Variants in CCDC91 observed in about 807,000 individuals in gnomAD.
CCDC91 encodes coiled-coil domain containing 91.
Under a neutral mutation model 63.2 loss-of-function variants are expected in CCDC91, and 48 were observed. The ratio of observed to expected loss-of-function variants is 0.76; its 90% CI spans 0.60 to 0.97. The LOEUF (loss-of-function observed/expected upper bound fraction) is 0.97. Ranked by LOEUF, CCDC91 falls within the 50% of genes least tolerant of loss-of-function variation. CCDC91 has a pLI of 0.00. For synonymous variants in CCDC91, 167 were observed against 165.8 expected (o/e 1.01, Z -0.06); for missense variants, 500 against 494.6 (o/e 1.01, Z -0.10).
chr12:28,522,877 A>G (rs1362357296), intron 12 of CCDC91, among the ~76,000 whole-genome samples: 4 of 152,002 alleles, frequency 2.6e-5, no homozygotes, highest in African/African-American at 9.7e-5. Context: ...CATGTAGTTG[A>G]GTGGTTTTGA....
At chr12:28,404,641 T>C (rs1946824411) in intron 8 of CCDC91, among the ~76,000 whole-genome samples, 1 of 152,132 alleles carries the variant, frequency 6.6e-6, no homozygotes, top group Non-Finnish European at 1.5e-5. Flanking sequence ...CTTGCAGTTT[T>C]GTAAGTGTTT....
At chr12:28,430,894 T>A (rs1349722325) in intron 8 of CCDC91, among the ~76,000 whole-genome samples, 1 of 152,170 alleles carries the variant, frequency 6.6e-6, no homozygotes, top group Admixed American at 6.6e-5. Context: ...TGACTACTTG[T>A]CTTCGTATTA....
chr12:28,528,263 G>A (rs1452871262), intron 12 of CCDC91, among the ~76,000 whole-genome samples: 1 of 152,028 alleles, frequency 6.6e-6, no homozygotes, highest in African/African-American at 2.4e-5. Flanking sequence ...ACCCTAGCAA[G>A]CCCACAGGGG....
At position 28,330,442 on chromosome 12, in the gene CCDC91, C is replaced by T. The variant is rs541467787; in HGVS notation, c.576+22693C>T. Among the ~76,000 whole-genome samples, 78 of 151,220 alleles carry T rather than the reference C, an allele frequency of 5.2e-4. 1 individual carries two copies. The South Asian group carries it at 8.8e-3, about 17-fold the overall frequency. ...CTGAGAAGTGTCTGTTCATATCTGT[C>T]GCCCACTTTTTGATGGGGTTGTTTT... On this transcript the variant is annotated intron_variant, in intron 6 of 12. Transcript: ENST00000536442.
At chr12:28,218,625 A>C (rs368848071) in intron 1 of CCDC91, among the ~76,000 whole-genome samples, 20 of 152,168 alleles carry the variant, frequency 1.3e-4, no homozygotes, top group African/African-American at 4.3e-4. Flanking sequence ...GGTCCCTGGC[A>C]ACCACTGATT....
chr12:28,474,773 G>T (rs201059293), intron 11 of CCDC91, among the ~76,000 whole-genome samples: 1 of 146,108 alleles, frequency 6.8e-6, no homozygotes, highest in Non-Finnish European at 1.5e-5. Context: ...ACATGAAAAA[G>T]AAAAAAAAAA....
chr12:28,380,640 G>A (rs1356941430), intron 7 of CCDC91, among the ~76,000 whole-genome samples: 1 of 152,060 alleles, frequency 6.6e-6, no homozygotes, highest in Non-Finnish European at 1.5e-5. Context: ...TTCTGATGCA[G>A]TTGAAAGTTT....
intron 7 of CCDC91, among the ~76,000 whole-genome samples, chr12:28,364,491 A>AC (rs1306771757): frequency 5.9e-5 from 9 of 152,250 alleles, no homozygotes; most frequent in Non-Finnish European, 1.3e-4. Context: ...AACCAGTTTT[A>AC]CAGTTATTGA....
At chr12:28,361,171 T>A (rs1943853142) in intron 6 of CCDC91, among the ~76,000 whole-genome samples, 1 of 151,700 alleles carries the variant, frequency 6.6e-6, no homozygotes, top group South Asian at 2.1e-4. Flanking sequence ...TTTAAATTTT[T>A]AAATTTTTAT....
At chr12:28,218,418 A>G (rs531940393) in intron 1 of CCDC91, among the ~76,000 whole-genome samples, 2 of 152,134 alleles carry the variant, frequency 1.3e-5, no homozygotes, top group South Asian at 4.2e-4. Context: ...TTAGGTGTAT[A>G]AACAATTAAA....
At chr12:28,523,061 G>T (rs1592947989) in intron 12 of CCDC91, among the ~76,000 whole-genome samples, 1 of 152,164 alleles carries the variant, frequency 6.6e-6, no homozygotes, top group African/African-American at 2.4e-5. Flanking sequence ...TTGATTTGGG[G>T]TGGAGAGTTC....
At chr12:28,408,053 G>C (rs905490751) in intron 8 of CCDC91, among the ~76,000 whole-genome samples, 2 of 151,574 alleles carry the variant, frequency 1.3e-5, no homozygotes, top group African/African-American at 4.8e-5. Context: ...TGCCATGGTG[G>C]TTTGCTGTAC....
rs1555169638 is a variant in CCDC91, at chr12:28,264,585, C to CTGTATGTGTGTGTGTGTGTGTG, written c.109+5146_109+5147insATGTGTGTGTGTGTGTGTGTGT. On this transcript the variant is annotated intron_variant, in intron 3 of 12. Transcript: ENST00000536442. ...TAGGCACATATATATATATGTCTGTCTGTGTGTGTGTGTGTGTGTGTGTGT... is the reference window on the plus strand; with the variant it reads ...TAGGCACATATATATATATGTCTGTCTGTATGTGTGTGTGTGTGTGTGTGTGTGTGTGTGTGTGTGTGTGTGT... Among the ~76,000 whole-genome samples, 98 of 137,310 alleles carry CTGTATGTGTGTGTGTGTGTGTG rather than the reference C, an allele frequency of 7.1e-4. 1 individual carries two copies. The highest frequency in any genetic ancestry group is 1.5e-3 in the East Asian group (7 of 4,644). 90.1% of individuals were successfully genotyped at this position (137,310 alleles called of 152,430 possible). A position where few individuals can be genotyped will look rare whatever the true frequency, so the allele number is the denominator to read the frequency against.
chr12:28,384,161 G>A (rs1363077946), intron 7 of CCDC91, among the ~76,000 whole-genome samples: 1 of 151,944 alleles, frequency 6.6e-6, no homozygotes, highest in African/African-American at 2.4e-5. Flanking sequence ...TGATAAAATG[G>A]AGAATGTAAG....
chr12:28,272,313 A>G (rs1351335614), intron 3 of CCDC91, among the ~76,000 whole-genome samples: 1 of 151,998 alleles, frequency 6.6e-6, no homozygotes, highest in Non-Finnish European at 1.5e-5. Flanking sequence ...AATTATGGGA[A>G]GTTTTATTAC....
At chr12:28,451,541 T>C (rs1275618029) in intron 10 of CCDC91, among the ~76,000 whole-genome samples, 1 of 151,684 alleles carries the variant, frequency 6.6e-6, no homozygotes, top group Admixed American at 6.6e-5. Flanking sequence ...AATATGTATG[T>C]TCCTGATGAG....
At chr12:28,272,701 T>C (rs1947870450) in intron 3 of CCDC91, among the ~76,000 whole-genome samples, 2 of 152,072 alleles carry the variant, frequency 1.3e-5, no homozygotes, top group South Asian at 4.1e-4. Flanking sequence ...GGGGACCTTA[T>C]GTGCTAGATT....
chr12:28,445,346 G>A (rs1376897551), intron 8 of CCDC91, among the ~76,000 whole-genome samples: 1 of 152,082 alleles, frequency 6.6e-6, no homozygotes, highest in East Asian at 1.9e-4. Flanking sequence ...TCAGTAAAAT[G>A]ACACATATAA....
intron 3 of CCDC91, among the ~76,000 whole-genome samples, chr12:28,267,065 C>CAT (rs571755290): frequency 0.021 from 3,160 of 150,542 alleles, 58 homozygotes; most frequent in Non-Finnish European, 0.03. Context: ...CACGTATGTA[C>CAT]ATATATATAT....
Sources: allele counts gnomAD v4.1 joint callset (sites outside exome capture counted in the v4.1 genomes callset), GRCh38; gene constraint gnomAD v4.1.1; transcripts MANE v1.5; gene names NCBI Gene and HGNC (gene_info 2026-07-23, HGNC 2026-07-21).